The following PCCA variants were observed in gnomAD, a reference collection of about 807,000 sequenced individuals.
PCCA encodes the protein propionyl-CoA carboxylase subunit alpha.
Under a neutral mutation model 101.3 loss-of-function variants are expected in PCCA, and 74 were observed. That is an observed-to-expected ratio of 0.73 (90% CI 0.61 to 0.89). The LOEUF is 0.89. PCCA is among the 40% of genes least tolerant of loss of function. The pLI is 0.00. For missense variants in PCCA, 891 were observed against 907.0 expected (o/e 0.98, Z 0.23); for synonymous variants, 294 against 313.6 (o/e 0.94, Z 0.66).
At chr13:100,278,533 G>T (rs1354169988) in intron 12 of PCCA, among the ~76,000 whole-genome samples, 1 of 151,688 alleles carries the variant, frequency 6.6e-6, no homozygotes, top group Non-Finnish European at 1.5e-5. Context: ...CCAGGCTGGG[G>T]TGCAGTGGCG....
intron 19 of PCCA, among the ~76,000 whole-genome samples, chr13:100,390,097 C>T (rs915136651): frequency 2.6e-5 from 4 of 152,120 alleles, no homozygotes; most frequent in Admixed American, 1.3e-4. Context: ...TAGAATTAAC[C>T]GTGCATTTAT....
intron 18 of PCCA, among the ~76,000 whole-genome samples, chr13:100,348,237 C>T (rs2072582351): frequency 6.6e-6 from 1 of 152,176 alleles, no homozygotes; most frequent in South Asian, 2.1e-4. Context: ...CTTATTTTCC[C>T]AATTTCTCTA....
chr13:100,280,872 A>G (rs1334466799), intron 12 of PCCA, among the ~76,000 whole-genome samples: 1 of 152,078 alleles, frequency 6.6e-6, no homozygotes, highest in Non-Finnish European at 1.5e-5. Context: ...TGGCATCTCC[A>G]TGCTGTAGAC....
intron 22 of PCCA, among the ~76,000 whole-genome samples, chr13:100,523,163 TTCTC>T (rs1433801135): frequency 2.0e-5 from 3 of 151,944 alleles, no homozygotes; most frequent in Non-Finnish European, 4.4e-5. Context: ...CGGGAGAAGG[TTCTC>T]TGTCTTTTAA....
At chr13:100,342,941 C>G (rs185186956) in intron 18 of PCCA, among the ~76,000 whole-genome samples, 38 of 152,016 alleles carry the variant, frequency 2.5e-4, no homozygotes, top group Admixed American at 8.5e-4. Context: ...AGGCTAGTCT[C>G]GAACTCCTGG....
intron 11 of PCCA, among the ~76,000 whole-genome samples, chr13:100,272,487 TC>T (rs2063367660): frequency 6.6e-6 from 1 of 152,126 alleles, no homozygotes; most frequent in South Asian, 2.1e-4. Flanking sequence ...AGACAGTACT[TC>T]ATGGCCTTCT....
intron 20 of PCCA, among the ~76,000 whole-genome samples, chr13:100,444,683 C>T (rs879638176): frequency 5.3e-5 from 8 of 151,950 alleles, no homozygotes; most frequent in South Asian, 2.1e-4. Flanking sequence ...CCTGGTGATC[C>T]GCCCACCTTG....
chr13:100,456,414 C>T (rs1383060659), intron 21 of PCCA, among the ~76,000 whole-genome samples: 4 of 152,052 alleles, frequency 2.6e-5, no homozygotes, highest in East Asian at 1.9e-4. Context: ...TCCCGGTGTG[C>T]GGAGACGAGA....
rs1007925604 is a variant in PCCA, at chr13:100,150,319, A to G, written c.301-4660A>G. On this transcript the variant is annotated intron_variant, in intron 4 of 23. Transcript: ENST00000376285. ...AGTGCTGGGATTGCAGGCGTGAGCT[A>G]CTGCACCTGGCTGCAGGCATACTTT... 3.3e-5 allele frequency among the ~76,000 whole-genome samples: 5 copies of G among 152,152 alleles called. No individual in the cohort carries two copies. In the East Asian group the frequency reaches 9.6e-4, roughly 29 times the overall value.
chr13:100,205,538 C>CTTTTTTTTTTTTTTTTTTTTTTT (rs3034652), intron 6 of PCCA, among the ~76,000 whole-genome samples: 1 of 112,136 alleles, frequency 8.9e-6, no homozygotes, highest in African/African-American at 3.5e-5. Flanking sequence ...TTGATATAAG[C>CTTTTTTTTTTTTTTTTTTTTTTT]TTTTTTTTTT....
intron 6 of PCCA, among the ~76,000 whole-genome samples, chr13:100,206,140 A>C (rs1441933054): frequency 2.0e-5 from 3 of 152,048 alleles, no homozygotes; most frequent in Non-Finnish European, 4.4e-5. Flanking sequence ...CTTTATAAGC[A>C]CCTCTTAGGG....
intron 7 of PCCA, among the ~76,000 whole-genome samples, chr13:100,234,959 T>C (rs2060704691): frequency 6.6e-6 from 1 of 151,882 alleles, no homozygotes; most frequent in Non-Finnish European, 1.5e-5. Context: ...ATTTCAACAT[T>C]ATCTTTATTG....
At chr13:100,121,171 TTTTTTTA>T (rs1490371663) in intron 4 of PCCA, among the ~76,000 whole-genome samples, 1,616 of 116,054 alleles carry the variant, frequency 0.014, 30 homozygotes, top group African/African-American at 0.037. Flanking sequence ...TTTTTTTTTT[TTTTTTTA>T]AAGATGGAGT....
intron 5 of PCCA, among the ~76,000 whole-genome samples, chr13:100,156,158 C>G (rs911930400): frequency 6.6e-6 from 1 of 152,120 alleles, no homozygotes; most frequent in South Asian, 2.1e-4. Flanking sequence ...ACCTCTGTCC[C>G]GCCAGGTTCA....
At chr13:100,341,187 G>A (rs2071254351) in intron 18 of PCCA, among the ~76,000 whole-genome samples, 1 of 152,172 alleles carries the variant, frequency 6.6e-6, no homozygotes, top group Non-Finnish European at 1.5e-5. Context: ...AGGGAGAGAT[G>A]AGAAGATATA....
intron 11 of PCCA, among the ~76,000 whole-genome samples, chr13:100,272,431 C>T (rs1444358711): frequency 6.6e-6 from 1 of 152,152 alleles, no homozygotes; most frequent in African/African-American, 2.4e-5. Flanking sequence ...GCCAACAAGA[C>T]TATAACACGT....
chr13:100,379,322 G>A (rs2076095884), intron 19 of PCCA, among the ~76,000 whole-genome samples: 1 of 152,172 alleles, frequency 6.6e-6, no homozygotes, highest in South Asian at 2.1e-4. Flanking sequence ...CCTAATGGTG[G>A]TAGTGGTGGG....
chr13:100,182,878 T>G (rs2056926562), intron 6 of PCCA, among the ~76,000 whole-genome samples: 1 of 152,130 alleles, frequency 6.6e-6, no homozygotes, highest in Non-Finnish European at 1.5e-5. Context: ...GAGAGCAAGA[T>G]TATGCCATTC....
Position 100,105,674 on chromosome 13 carries a change from A to T in PCCA, c.183+2714A>T, listed in dbSNP as rs542616131. 1.3e-4 allele frequency among the ~76,000 whole-genome samples: 19 copies of T among 149,482 alleles called. 1 individual carries two copies. In the East Asian group the frequency reaches 3.5e-3, roughly 28 times the overall value. The stretch of plus-strand genomic sequence containing the variant: ...GTCTCTACCAAAAAAAAAAAAAAAA[A>T]AAAAACACCCCACAAAAATTAGCTG... On this transcript the variant is annotated intron_variant, in intron 2 of 23. Transcript: ENST00000376285.
Sources: gnomAD v4.1 joint callset for allele counts (sites outside exome capture counted in the v4.1 genomes callset) on GRCh38, gnomAD v4.1.1 for gene constraint, MANE v1.5 for transcripts, NCBI Gene and HGNC (gene_info 2026-07-23, HGNC 2026-07-21) for gene names.